Variants in CNTNAP2 observed in about 807,000 individuals in gnomAD.
CNTNAP2 encodes the protein contactin associated protein 2.
A neutral mutation model predicts 155.2 loss-of-function variants in CNTNAP2; 98 were observed. The observed-to-expected ratio is 0.63, with a 90% confidence interval of 0.54 to 0.75. The LOEUF (loss-of-function observed/expected upper bound fraction) is 0.75, where lower values mean the gene tolerates loss of function less well. Ranked by LOEUF, CNTNAP2 falls within the 30% of genes least tolerant of loss-of-function variation. CNTNAP2 has a pLI of 0.00. For synonymous variants in CNTNAP2, 651 were observed against 631.2 expected (o/e 1.03, Z -0.47); for missense variants, 1,727 against 1,688.1 (o/e 1.02, Z -0.40).
intron 12 of CNTNAP2, among the ~76,000 whole-genome samples, chr7:147,583,516 A>ATG (rs1346491067): frequency 6.9e-6 from 1 of 145,556 alleles, no homozygotes; most frequent in Non-Finnish European, 1.5e-5. Context: ...ATATATATAT[A>ATG]TATATATATA....
intron 13 of CNTNAP2, among the ~76,000 whole-genome samples, chr7:147,873,464 A>G (rs1799363747): frequency 6.6e-6 from 1 of 152,184 alleles, no homozygotes; most frequent in Non-Finnish European, 1.5e-5. Flanking sequence ...GAGCATGTGC[A>G]GAGGAACTGC....
intron 13 of CNTNAP2, among the ~76,000 whole-genome samples, chr7:147,878,494 A>G (rs1799463883): frequency 6.6e-6 from 1 of 151,584 alleles, no homozygotes; most frequent in Admixed American, 6.6e-5. Flanking sequence ...ATTGTTTGTT[A>G]TATATCAAAA....
At chr7:146,592,612 T>C (rs1798799523) in intron 1 of CNTNAP2, among the ~76,000 whole-genome samples, 1 of 152,176 alleles carries the variant, frequency 6.6e-6, no homozygotes, top group East Asian at 1.9e-4. Flanking sequence ...GAAATATTAT[T>C]GTGAACAGAT....
intron 16 of CNTNAP2, among the ~76,000 whole-genome samples, chr7:148,122,703 C>G (rs1804625176): frequency 6.6e-6 from 1 of 152,036 alleles, no homozygotes; most frequent in South Asian, 2.1e-4. Flanking sequence ...AGACAACCAG[C>G]CATGGGAGCC....
intron 13 of CNTNAP2, among the ~76,000 whole-genome samples, chr7:147,771,629 A>G (rs1797470810): frequency 6.6e-6 from 1 of 152,094 alleles, no homozygotes; most frequent in East Asian, 1.9e-4. Context: ...CTGACATTAT[A>G]TAGGGTTTCA....
At position 147,402,050 on chromosome 7, in the gene CNTNAP2, T is replaced by C. The variant is rs1308473272; in HGVS notation, c.1670+6270T>C. 2.0e-5 allele frequency among the ~76,000 whole-genome samples: 3 copies of C among 152,366 alleles called. No individual in the cohort carries two copies. In the East Asian group the frequency reaches 5.8e-4, roughly 29 times the overall value. On this transcript the variant is annotated intron_variant, in intron 10 of 23. Coordinates refer to ENST00000361727, the MANE Select transcript of CNTNAP2 (RefSeq NM_014141.6). ...ATCATTTTCTAAAATTTGTCTTCATTCGCTAATTCCCTATTTCTAGTCAGT... is the reference window on the plus strand; with the variant it reads ...ATCATTTTCTAAAATTTGTCTTCATCCGCTAATTCCCTATTTCTAGTCAGT...
intron 1 of CNTNAP2, among the ~76,000 whole-genome samples, chr7:146,442,840 C>A (rs1290702901): frequency 6.6e-6 from 1 of 152,094 alleles, no homozygotes; most frequent in African/African-American, 2.4e-5. Context: ...GTCTTGGGTG[C>A]AGATTTCACA....
intron 1 of CNTNAP2, among the ~76,000 whole-genome samples, chr7:146,229,305 T>G (rs1285084644): frequency 2.6e-5 from 4 of 152,196 alleles, no homozygotes; most frequent in Non-Finnish European, 5.9e-5. Flanking sequence ...TGTTTGTCCT[T>G]TTAAGCCATG....
chr7:146,430,418 C>A (rs1796158174), intron 1 of CNTNAP2, among the ~76,000 whole-genome samples: 1 of 151,886 alleles, frequency 6.6e-6, no homozygotes. Context: ...AGAGTATATA[C>A]CACTTGTAAT....
intron 1 of CNTNAP2, among the ~76,000 whole-genome samples, chr7:146,179,332 G>A (rs1798517406): frequency 6.6e-6 from 1 of 152,036 alleles, no homozygotes; most frequent in Non-Finnish European, 1.5e-5. Context: ...ACTTGGGGAG[G>A]GGGTGTAATT....
chr7:147,434,765 G>A (rs1282808427), intron 10 of CNTNAP2, among the ~76,000 whole-genome samples: 1 of 152,204 alleles, frequency 6.6e-6, no homozygotes, highest in Non-Finnish European at 1.5e-5. Flanking sequence ...GCTCCTCTTG[G>A]AAGTCACAGC....
intron 3 of CNTNAP2, among the ~76,000 whole-genome samples, chr7:146,850,022 T>C (rs531578357): frequency 1.3e-5 from 2 of 152,316 alleles, no homozygotes; most frequent in Admixed American, 1.3e-4. Context: ...ATTTAGTCAG[T>C]GTTGACTTTG....
At chr7:148,396,113 A>G (rs1418402925) in intron 22 of CNTNAP2, among the ~76,000 whole-genome samples, 1 of 152,074 alleles carries the variant, frequency 6.6e-6, no homozygotes, top group East Asian at 1.9e-4. Context: ...GGGGCTGGCT[A>G]AGTGCGGGGC....
At chr7:147,894,080 A>G (rs1799736888) in intron 13 of CNTNAP2, 1 of 152,196 alleles carries the variant, frequency 6.6e-6, no homozygotes, top group Non-Finnish European at 1.5e-5. Context: ...TCTCTGCTCC[A>G]TCCCATCCTG....
chr7:146,344,874 A>T (rs7790714), intron 1 of CNTNAP2, among the ~76,000 whole-genome samples: 12,750 of 152,234 alleles, frequency 0.084, 1,147 homozygotes, highest in African/African-American at 0.22. Flanking sequence ...ACACCAAAAA[A>T]TTACTAAAAA....
intron 1 of CNTNAP2, among the ~76,000 whole-genome samples, chr7:146,270,981 G>A (rs889330986): frequency 2.0e-5 from 3 of 152,046 alleles, no homozygotes; most frequent in Non-Finnish European, 4.4e-5. Flanking sequence ...AAATGAGTAT[G>A]TAAACATCAA....
intron 10 of CNTNAP2, among the ~76,000 whole-genome samples, chr7:147,438,402 A>C (rs1797586222): frequency 6.7e-6 from 1 of 149,824 alleles, no homozygotes; most frequent in East Asian, 1.9e-4. Flanking sequence ...TGTTGATATG[A>C]TGTATCACAT....
chr7:147,614,941 A>G lies in CNTNAP2; in HGVS notation c.1898-24165A>G, dbSNP rs962651006. Among the ~76,000 whole-genome samples, 4 of 152,088 alleles carry G rather than the reference A, an allele frequency of 2.6e-5. No homozygotes were observed. The South Asian group carries it at 8.3e-4, about 32-fold the overall frequency. On this transcript the variant is annotated intron_variant, in intron 12 of 23. Transcript: ENST00000361727. ...CACTCCAAGTATAAACCAAACTTGA[A>G]TAACTCAAGTTTCTAAAATTAAGAA...
intron 3 of CNTNAP2, among the ~76,000 whole-genome samples, chr7:147,023,843 T>G (rs1798856026): frequency 6.6e-6 from 1 of 152,184 alleles, no homozygotes; most frequent in South Asian, 2.1e-4. Flanking sequence ...TAAAATTATT[T>G]TTTAAAAGAC....
Sources: allele counts gnomAD v4.1 joint callset (sites outside exome capture counted in the v4.1 genomes callset), GRCh38; gene constraint gnomAD v4.1.1; transcripts MANE v1.5; gene names NCBI Gene and HGNC (gene_info 2026-07-23, HGNC 2026-07-21).